PCSK5: variants seen among roughly 807,000 people sequenced by gnomAD.
PCSK5 encodes proprotein convertase subtilisin/kexin type 5.
Under a neutral mutation model 233.2 loss-of-function variants are expected in PCSK5, and 129 were observed. The ratio of observed to expected loss-of-function variants is 0.55; its 90% CI spans 0.48 to 0.64. The LOEUF (loss-of-function observed/expected upper bound fraction) is 0.64. PCSK5 is among the 30% of genes least tolerant of loss of function. PCSK5 has a pLI of 0.00. For synonymous variants in PCSK5, 825 were observed against 879.2 expected, an observed-to-expected ratio of 0.94 and a Z score of 1.09; for missense variants, 2,076 against 2,430.1, an observed-to-expected ratio of 0.85 and a Z score of 3.06.
At chr9:75,980,632 A>G (rs946619665) in intron 2 of PCSK5, among the ~76,000 whole-genome samples, 1 of 152,232 alleles carries the variant, frequency 6.6e-6, no homozygotes, top group African/African-American at 2.4e-5. Flanking sequence ...TAAAAAGGTG[A>G]CAAAATAACA....
At chr9:76,027,180 G>A in intron 5 of PCSK5, 143 bp downstream of exon 5, 1 of 569,700 alleles carries the variant, frequency 1.8e-6, no homozygotes, top group Non-Finnish European at 3.2e-6. Flanking sequence ...TCTTTCCACT[G>A]AAGCCTCTGA....
In PCSK5 at chr9:75,891,328, G is replaced by A. The variant is rs200848955; in HGVS notation, c.147G>A (p.Glu49=). 4 of 1,563,160 alleles carry A rather than the reference G, an allele frequency of 2.6e-6. No individual in the cohort carries two copies. The highest frequency in any genetic ancestry group is 1.9e-5 in the Admixed American group (1 of 51,698). Residue 49 remains glutamate (E), a synonymous_variant, in exon 1 of 38, where the codon GAG becomes GAA. Transcript: ENST00000674117. ...TCAAAATCGCCGGGGGCTTCCCGGA[G>A]GCCAACCGTATCGCCAGCAAGTACG... ...WAVKIAGGFP[E]ANRIASKYGF...
intron 3 of PCSK5, among the ~76,000 whole-genome samples, chr9:76,020,608 T>C (rs1487395734): frequency 6.6e-6 from 1 of 152,196 alleles, no homozygotes; most frequent in Non-Finnish European, 1.5e-5. Flanking sequence ...CATAGTGATG[T>C]ATATAAAGAA....
At chr9:76,290,792 T>G (rs1195332669) in intron 24 of PCSK5, among the ~76,000 whole-genome samples, 1 of 152,240 alleles carries the variant, frequency 6.6e-6, no homozygotes, top group Non-Finnish European at 1.5e-5. Flanking sequence ...CATGAAAGCA[T>G]TCTTACACAA....
chr9:76,272,471 C>T (rs140552700), intron 24 of PCSK5, among the ~76,000 whole-genome samples: 8 of 151,822 alleles, frequency 5.3e-5, no homozygotes, highest in Non-Finnish European at 7.4e-5. Context: ...TTCCCATGGC[C>T]GTGGATAAAG....
chr9:76,210,598 G>C (rs1825292913), intron 20 of PCSK5, among the ~76,000 whole-genome samples: 2 of 152,162 alleles, frequency 1.3e-5, no homozygotes, highest in Admixed American at 1.3e-4. Flanking sequence ...AATTTTTAAG[G>C]CTCTTGTATG....
intron 1 of PCSK5, among the ~76,000 whole-genome samples, chr9:75,893,035 T>A (rs1237659278): frequency 6.6e-6 from 1 of 152,116 alleles, no homozygotes; most frequent in Non-Finnish European, 1.5e-5. Context: ...CGTTCAGGTC[T>A]TTTTACATGA....
chr9:76,187,373 AT>A (rs531851683), intron 17 of PCSK5, among the ~76,000 whole-genome samples: 316 of 148,048 alleles, frequency 2.1e-3, no homozygotes, highest in African/African-American at 6.8e-3. Context: ...AACTATTGTA[AT>A]TTTTTTTTTT....
chr9:76,146,324 A>C (rs1192460421), intron 10 of PCSK5, among the ~76,000 whole-genome samples: 2 of 145,010 alleles, frequency 1.4e-5, no homozygotes, highest in African/African-American at 4.9e-5. Context: ...GGTTAGCTCT[A>C]ATAAAAAAAA....
chr9:76,064,002 G>A (rs1267945343), intron 5 of PCSK5, among the ~76,000 whole-genome samples: 6 of 80,968 alleles, frequency 7.4e-5, no homozygotes, highest in East Asian at 3.4e-4. Flanking sequence ...CTGGCCGGGC[G>A]GGGGGCTGAC....
intron 35 of PCSK5, among the ~76,000 whole-genome samples, chr9:76,345,876 C>T (rs1405126872): frequency 3.3e-5 from 5 of 152,084 alleles, no homozygotes; most frequent in Admixed American, 6.5e-5. Context: ...TGTGCCACCA[C>T]GCCTGGCTAA....
At chr9:76,190,179 A>C (rs1416203744) in intron 20 of PCSK5, among the ~76,000 whole-genome samples, 3 of 152,130 alleles carry the variant, frequency 2.0e-5, no homozygotes, top group African/African-American at 7.2e-5. Flanking sequence ...CAAAGTCCAC[A>C]ATTTACATTA....
intron 5 of PCSK5, among the ~76,000 whole-genome samples, chr9:76,046,240 C>T (rs1188437241): frequency 8.3e-6 from 1 of 119,936 alleles, no homozygotes; most frequent in Non-Finnish European, 1.6e-5. Context: ...TGCAGTGGTG[C>T]AATCCCGGCT....
Position 76,358,990 on chromosome 9 carries a change from TTTTATCCCCACACCAGGC to T in PCSK5, c.*70_*87del. On this transcript the variant is annotated 3_prime_UTR_variant, in exon 38 of 38. Transcript: ENST00000674117. ...TGCCTGTGAGCATCACTGTTTTTGG[TTTTATCCCCACACCAGGC>T]TGATGTGTGAGTTTTTCTATTTGTC... 1.7e-5 allele frequency: 24 copies of T among 1,383,680 alleles called. No homozygotes were observed. The South Asian group carries it at 3.0e-4, about 18-fold the overall frequency. 85.7% of individuals were successfully genotyped at this position (1,383,680 alleles called of 1,614,324 possible).
chr9:76,044,529 G>A (rs930522010), intron 5 of PCSK5, among the ~76,000 whole-genome samples: 2 of 152,198 alleles, frequency 1.3e-5, no homozygotes, highest in Non-Finnish European at 2.9e-5. Context: ...GTGTAAAACA[G>A]TGGGGGAAAT....
At chr9:76,160,649 G>C (rs1162544155) in intron 12 of PCSK5, among the ~76,000 whole-genome samples, 2 of 152,196 alleles carry the variant, frequency 1.3e-5, no homozygotes, top group African/African-American at 4.8e-5. Context: ...GGCCAACAGT[G>C]AGACCGAACT....
At chr9:76,189,805 G>A in intron 20 of PCSK5, 59 bp downstream of exon 20, 1 of 634,800 alleles carries the variant, frequency 1.6e-6, no homozygotes, top group Non-Finnish European at 2.8e-6. Flanking sequence ...CTACTTTCAG[G>A]ACTAATATTT....
intron 20 of PCSK5, chr9:76,205,154 C>G (rs1241836358): frequency 5.8e-6 from 3 of 518,776 alleles, no homozygotes; most frequent in Non-Finnish European, 1.2e-5. Flanking sequence ...TTTCCCCCAC[C>G]AAAATATATA....
chr9:75,936,283 A>T (rs374262617), intron 2 of PCSK5, among the ~76,000 whole-genome samples: 1 of 152,182 alleles, frequency 6.6e-6, no homozygotes, highest in African/African-American at 2.4e-5. Flanking sequence ...TTAAAATCCA[A>T]CAACAATGAA....
Sources: gnomAD v4.1 joint callset for allele counts (sites outside exome capture counted in the v4.1 genomes callset) on GRCh38, gnomAD v4.1.1 for gene constraint, MANE v1.5 for transcripts, NCBI Gene and HGNC (gene_info 2026-07-23, HGNC 2026-07-21) for gene names.